UGT1A4: variants seen among roughly 807,000 people sequenced by gnomAD.
The protein encoded by UGT1A4 is UDP-glucuronosyltransferase 1A4.
UGT1A4 carries 32 observed loss-of-function variants against 41.1 expected under a neutral mutation model. The observed-to-expected ratio is 0.78, with a 90% CI of 0.59 to 1.05. The LOEUF (loss-of-function observed/expected upper bound fraction) is 1.05. Ranked by LOEUF, UGT1A4 falls within the 50% of genes least tolerant of loss-of-function variation. The pLI is 0.00. For missense variants in UGT1A4, 748 were observed against 677.4 expected (o/e 1.10, Z -1.16); for synonymous variants, 283 against 265.1 (o/e 1.07, Z -0.66).
In UGT1A4 at chr2:233,743,890, G is replaced by A. The variant is rs376911193; in HGVS notation, c.868-23144G>A. On this transcript the variant is annotated intron_variant, in intron 1 of 4. Transcript: ENST00000373409. ...CCTCGGATGAGGCCTGCCGGGGCAC[G>A]TCCAGCACCTCGTAGTAGTCCACCA... 9.6e-5 allele frequency: 131 copies of A among 1,366,674 alleles called. 1 individual carries two copies. The highest frequency in any genetic ancestry group is 6.3e-4 in the Middle Eastern group (3 of 4,786). The allele number at this position is 1,366,674 out of a possible 1,614,324, so 84.7% of individuals were successfully genotyped here. A position where few individuals can be genotyped will look rare whatever the true frequency, so the allele number is the denominator to read the frequency against.
chr2:233,769,716 A>G lies in UGT1A4; in HGVS notation c.1307+1277A>G, dbSNP rs1255233011. 6.7e-7 allele frequency: 1 copy of G among 1,492,612 alleles called. No individual in the cohort carries two copies. Among genetic ancestry groups the G allele is most frequent in the East Asian group, 2.5e-5 (1 of 40,446 alleles). The allele number at this position is 1,492,612 out of a possible 1,614,324, so 92.5% of individuals were successfully genotyped here. A position where few individuals can be genotyped will look rare whatever the true frequency, so the allele number is the denominator to read the frequency against. Reference sequence around the variant, plus strand: ...GATAAAAGATCAATGTTGGCTAGGCACCATGGCACACGCCTGTAGTCCCAG... The same window carrying G: ...GATAAAAGATCAATGTTGGCTAGGCGCCATGGCACACGCCTGTAGTCCCAG... On this transcript the variant is annotated intron_variant, in intron 4 of 4. Coordinates refer to ENST00000373409, the MANE Select transcript of UGT1A4 (RefSeq NM_007120.3). The surrounding 1 kb of genome is among the most constrained non-coding windows in gnomAD (Gnocchi z 4.4).
In UGT1A4 at chr2:233,724,385, C is replaced by T. The variant is rs1406263837; in HGVS notation, c.867+4698C>T. ...GGACGGGGTGGCTGCCGGGCGGAGA[C>T]GCTCCTCACTTCCCAGATGGGGTGG... is the stretch of plus-strand genomic sequence containing the variant. On this transcript the variant is annotated intron_variant, in intron 1 of 4. Coordinates refer to ENST00000373409, the MANE Select transcript of UGT1A4 (RefSeq NM_007120.3). Among the ~76,000 whole-genome samples the T allele has an allele frequency of 2.7e-3, 360 of 130,940 alleles. 4 individuals are homozygous for T. Among genetic ancestry groups the T allele is most frequent in the African/African-American group, 9.9e-3 (334 of 33,572 alleles). 85.9% of individuals were successfully genotyped at this position (130,940 alleles called of 152,430 possible).
intron 1 of UGT1A4, among the ~76,000 whole-genome samples, chr2:233,766,325 G>C (rs574966930): frequency 6.6e-6 from 1 of 152,110 alleles, no homozygotes; most frequent in African/African-American, 2.4e-5. Flanking sequence ...GCCAAACTCC[G>C]CGTTGTTCTG....
intron 1 of UGT1A4, chr2:233,761,095 C>T (rs765208275): frequency 1.2e-6 from 2 of 1,614,060 alleles, no homozygotes; most frequent in Admixed American, 3.3e-5. Context: ...GCCCATCATG[C>T]CCAATATGGT....
At position 233,772,364 on chromosome 2, in the gene UGT1A4, G is replaced by A. The variant is rs2126066742; in HGVS notation, c.1410G>A (p.Lys470=). The A allele has an allele frequency of 6.2e-7, 1 of 1,614,266 alleles. No homozygotes were observed. Among genetic ancestry groups the A allele is most frequent in the Non-Finnish European group, 8.5e-7 (1 of 1,180,054 alleles). ...VFWVEFVMRH[K]GAPHLRPAAH... is the part of the protein sequence containing the mutation. ...GGGTGGAGTTTGTGATGAGGCACAAGGGCGCGCCACACCTGCGCCCCGCAG... is the reference window on the plus strand; with the variant it reads ...GGGTGGAGTTTGTGATGAGGCACAAAGGCGCGCCACACCTGCGCCCCGCAG... The change falls in exon 5 of 5, where the codon AAG becomes AAA. Residue 470 remains lysine, a synonymous_variant. Transcript: ENST00000373409.
Position 233,772,498 on chromosome 2 carries a change from A to G in UGT1A4, c.1544A>G (p.Tyr515Cys), listed in dbSNP as rs1575871592. The G allele has an allele frequency of 1.2e-6, 2 of 1,614,068 alleles. No homozygotes were observed. The highest frequency in any genetic ancestry group is 2.2e-5 in the East Asian group (1 of 44,892). ...ACCTTTAAATGTTGTGCTTATGGCT[A>G]CCGGAAATGCTTGGGGAAAAAAGGG... is the stretch of plus-strand genomic sequence containing the variant. Reference protein sequence around the residue: ...FITFKCCAYGYRKCLGKKGRV... With the variant: ...FITFKCCAYGCRKCLGKKGRV... Residue 515 changes from tyrosine (Y) to cysteine (C), a missense_variant, in exon 5 of 5, where the codon TAC (tyrosine) becomes TGC (cysteine). By Grantham distance (194) the Tyr-to-Cys change is radical (BLOSUM62 -2). Transcript: ENST00000373409.
intron 1 of UGT1A4, chr2:233,743,539 T>C (rs34135810): frequency 0.015 from 20,568 of 1,367,214 alleles, 228 homozygotes; most frequent in South Asian, 0.027. Context: ...GCAGTTCCTC[T>C]GACCCCCCCA....
chr2:233,769,849 C>A lies in UGT1A4; in HGVS notation c.1307+1410C>A, dbSNP rs1159124687. ...CAGCAACCTGGGCAACAGAGTGAGA[C>A]CCTGTCTCAAAAAAAAAAAAAAAAA... On this transcript the variant is annotated intron_variant, in intron 4 of 4. Transcript: ENST00000373409. The surrounding 1 kb of genome is among the most constrained non-coding windows in gnomAD (Gnocchi z 4.4). 1 of 524,548 alleles carries A rather than the reference C, an allele frequency of 1.9e-6. No homozygotes were observed. The highest frequency in any genetic ancestry group is 3.0e-6 in the Non-Finnish European group (1 of 331,924). The allele number at this position is 524,548 out of a possible 1,614,324, so 32.5% of individuals were successfully genotyped here.
At position 233,747,386 on chromosome 2, in the gene UGT1A4, G is replaced by A. The variant is rs28900380; in HGVS notation, c.868-19648G>A. ...AGCTCCATGCCAGAGGCCACCAGGC[G>A]GTGGTCCTCACCCCAGAGGTGAATA... is the stretch of plus-strand genomic sequence containing the variant. On this transcript the variant is annotated intron_variant, in intron 1 of 4. Coordinates refer to ENST00000373409, the MANE Select transcript of UGT1A4 (RefSeq NM_007120.3). The A allele has an allele frequency of 0.013, 20,927 of 1,605,194 alleles. 2,457 individuals carry two copies. In the African/African-American group the frequency reaches 0.23, roughly 18 times the overall value.
chr2:233,773,279 T>G lies in UGT1A4; in HGVS notation c.*720T>G, dbSNP rs1468042895. 1 of 152,208 alleles carries G rather than the reference T, an allele frequency of 6.6e-6. No homozygotes were observed. Among genetic ancestry groups the G allele is most frequent in the African/African-American group, 2.4e-5 (1 of 41,464 alleles). 9.4% of individuals were successfully genotyped at this position (152,208 alleles called of 1,614,324 possible). On this transcript the variant is annotated 3_prime_UTR_variant, in exon 5 of 5. Transcript: ENST00000373409. ...ATGTTTCCTACAACTAAAAATAAATTAATAAATTTATATAAATTCTATTTA... is the reference window on the plus strand; with the variant it reads ...ATGTTTCCTACAACTAAAAATAAATGAATAAATTTATATAAATTCTATTTA...
chr2:233,729,944 T>C, intron 1 of UGT1A4: 6 of 1,614,066 alleles, frequency 3.7e-6, no homozygotes, highest in Non-Finnish European at 5.1e-6. Flanking sequence ...ATGCCCAACA[T>C]GGTCTTCATT....
Position 233,718,788 on chromosome 2 carries a change from G to A in UGT1A4, c.-33G>A. 1 of 1,613,102 alleles carries A rather than the reference G, an allele frequency of 6.2e-7. No homozygotes were observed. The highest frequency in any genetic ancestry group is 8.5e-7 in the Non-Finnish European group (1 of 1,179,994). ...ACAAATGTAGCAGGCACAGCGTGGGGTGGACAGTCAGCTGTCGGTGGCTTC... is the reference window on the plus strand; with the variant it reads ...ACAAATGTAGCAGGCACAGCGTGGGATGGACAGTCAGCTGTCGGTGGCTTC... On this transcript the variant is annotated 5_prime_UTR_variant, in exon 1 of 5. In the 5' UTR this introduces an upstream ATG that the reference lacks. Transcript: ENST00000373409.
At chr2:233,767,511 A>G (rs1020159718) in intron 2 of UGT1A4, among the ~76,000 whole-genome samples, 21 of 152,248 alleles carry the variant, frequency 1.4e-4, no homozygotes, top group African/African-American at 3.9e-4. Context: ...GTTGGTTAGA[A>G]CACTGAATTT....
intron 1 of UGT1A4, among the ~76,000 whole-genome samples, chr2:233,763,357 C>G (rs1698288561): frequency 6.6e-6 from 1 of 152,176 alleles, no homozygotes; most frequent in Non-Finnish European, 1.5e-5. Flanking sequence ...ATCTTTAGTA[C>G]TCCTTTGTCT....
intron 1 of UGT1A4, among the ~76,000 whole-genome samples, chr2:233,737,833 T>A (rs1346055905): frequency 6.6e-6 from 1 of 152,174 alleles, no homozygotes; most frequent in African/African-American, 2.4e-5. Flanking sequence ...AATTGGGAAC[T>A]GTGGCACAGG....
Position 233,767,880 on chromosome 2 carries a change from C to A in UGT1A4, c.1031C>A (p.Ser344Ter), listed in dbSNP as rs144978321. 4.3e-6 allele frequency: 7 copies of A among 1,614,168 alleles called. No individual in the cohort carries two copies. Among genetic ancestry groups the A allele is most frequent in the Non-Finnish European group, 5.1e-6 (6 of 1,180,044 alleles). ...VLWRYTGTRP[S>*]NLANNTILVK... ...TGGCGGTACACTGGAACCCGACCAT[C>A]GAATCTTGCGAACAACACGATACTT... The change falls in exon 3 of 5, where the codon TCG (serine) becomes TAG (stop). Residue 344 changes from serine (S) to a stop codon, truncating the protein, a stop_gained. Coordinates refer to ENST00000373409, the MANE Select transcript of UGT1A4 (RefSeq NM_007120.3). LOFTEE classifies it high-confidence loss of function.
chr2:233,747,362 G>T lies in UGT1A4; in HGVS notation c.868-19672G>T. 4 of 1,603,780 alleles carry T rather than the reference G, an allele frequency of 2.5e-6. No homozygotes were observed. In the South Asian group the frequency reaches 4.4e-5, roughly 18 times the overall value. On this transcript the variant is annotated intron_variant, in intron 1 of 4. Coordinates refer to ENST00000373409, the MANE Select transcript of UGT1A4 (RefSeq NM_007120.3). ...CTCGCATGCGGGAGGCCGTGCGGGA[G>T]CTCCATGCCAGAGGCCACCAGGCGG...
intron 1 of UGT1A4, among the ~76,000 whole-genome samples, chr2:233,757,380 C>T (rs980413878): frequency 1.3e-5 from 2 of 151,206 alleles, no homozygotes; most frequent in African/African-American, 4.9e-5. Context: ...CCAGATTCAG[C>T]ACTTACTTGC....
chr2:233,731,753 A>G (rs950237110), intron 1 of UGT1A4, among the ~76,000 whole-genome samples: 2 of 152,194 alleles, frequency 1.3e-5, no homozygotes, highest in Non-Finnish European at 2.9e-5. Context: ...ATACGTGTGC[A>G]TGTGTCCTTA....
Sources: gnomAD v4.1 joint callset for allele counts (sites outside exome capture counted in the v4.1 genomes callset) on GRCh38, gnomAD v4.1.1 for gene constraint, Gnocchi (gnomAD v3.1) non-coding constraint, MANE v1.5 for transcripts, NCBI Gene and HGNC (gene_info 2026-07-23, HGNC 2026-07-21) for gene names.